Variants in FSIP2 observed in about 807,000 individuals in gnomAD.
FSIP2 encodes fibrous sheath interacting protein 2.
A neutral mutation model predicts 510.5 loss-of-function variants in FSIP2; 367 were observed. The observed-to-expected ratio is 0.72, with a 90% CI of 0.66 to 0.78. The LOEUF (loss-of-function observed/expected upper bound fraction) is 0.78, where lower values mean the gene tolerates loss of function less well. Among genes scored for constraint, FSIP2 ranks in the 30% least tolerant of loss-of-function variants. The pLI, the probability that FSIP2 is intolerant of heterozygous loss-of-function variation, is 0.00. For synonymous variants in FSIP2, 2,601 were observed against 2,732.2 expected (o/e 0.95, Z 1.50); for missense variants, 7,594 against 7,901.7 (o/e 0.96, Z 1.48).
intron 13 of FSIP2, among the ~76,000 whole-genome samples, chr2:185,776,466 T>A (rs192766242): frequency 7.2e-5 from 11 of 152,224 alleles, no homozygotes; most frequent in Non-Finnish European, 1.3e-4. Context: ...GTATATTTCT[T>A]CTATTTCTAA....
rs1475962259 is a variant in FSIP2 at position 185,800,651 on chromosome 2, AAACATC to A, written c.11347_11352del (p.Thr3783_Ser3784del). 5.9e-6 allele frequency: 9 copies of A among 1,534,208 alleles called. No individual in the cohort carries two copies. The highest frequency in any genetic ancestry group is 2.7e-5 in the African/African-American group (2 of 73,006). On this transcript the variant is annotated inframe_deletion, in exon 17 of 23. Coordinates refer to ENST00000424728, the MANE Select transcript of FSIP2 (RefSeq NM_173651.4). Reference sequence around the variant, plus strand: ...CCTGATAAAGGGTCTGTTTCAGAGGAAACATCAGCAGAAGAATGTCAACTTTTAAAA... The same window carrying A: ...CCTGATAAAGGGTCTGTTTCAGAGGAAGCAGAAGAATGTCAACTTTTAAAA...
rs1309152444 is a variant in FSIP2, at chr2:185,800,301, T to C, written c.10995T>C (p.Gly3665=). ...GGCAATTTTCTACTCAACAAATTGG[T>C]CAACTTTTTCAAAAAAATAAGTTAA... The part of the protein sequence containing the change: ...RDWQFSTQQI[G]QLFQKNKLSY... The change falls in exon 17 of 23, where the codon GGT becomes GGC. Residue 3665 remains glycine (G), a synonymous_variant. Transcript: ENST00000424728. The C allele has an allele frequency of 7.2e-6, 11 of 1,533,796 alleles. No homozygotes were observed. The highest frequency in any genetic ancestry group is 1.4e-5 in the African/African-American group (1 of 72,856).
At chr2:185,809,546 T>C (rs1302741569) in intron 17 of FSIP2, among the ~76,000 whole-genome samples, 1 of 152,060 alleles carries the variant, frequency 6.6e-6, no homozygotes, top group Non-Finnish European at 1.5e-5. Context: ...TATCAGGATA[T>C]GTGGAATAAT....
intron 15 of FSIP2, among the ~76,000 whole-genome samples, chr2:185,787,074 C>T (rs1222290323): frequency 1.3e-5 from 2 of 151,678 alleles, no homozygotes; most frequent in African/African-American, 4.8e-5. Flanking sequence ...TGTTTATCAT[C>T]TCCAGTAATA....
chr2:185,790,925 C>A lies in FSIP2; in HGVS notation c.3789C>A (p.Ile1263=). 2.0e-6 allele frequency: 3 copies of A among 1,524,990 alleles called. No individual in the cohort carries two copies. The highest frequency in any genetic ancestry group is 1.2e-5 in the South Asian group (1 of 81,612). The allele number at this position is 1,524,990 out of a possible 1,614,324, so 94.5% of individuals were successfully genotyped here. A position where few individuals can be genotyped will look rare whatever the true frequency, so the allele number is the denominator to read the frequency against. ...CTGTAGATGACATTAATGATAAGATCATTCGTACAATTTTTAAAAGACTGA... is the reference window on the plus strand; with the variant it reads ...CTGTAGATGACATTAATGATAAGATAATTCGTACAATTTTTAAAAGACTGA... ...PKPVDDINDK[I]IRTIFKRLKS... is the part of the protein sequence containing the mutation. Residue 1263 remains isoleucine (I), a synonymous_variant, in exon 16 of 23, where the codon ATC becomes ATA. Transcript: ENST00000424728.
chr2:185,763,229 A>T lies in FSIP2; in HGVS notation c.1287A>T (p.Val429=). 2.0e-6 allele frequency: 3 copies of T among 1,520,376 alleles called. No homozygotes were observed. Among genetic ancestry groups the T allele is most frequent in the Non-Finnish European group, 2.6e-6 (3 of 1,133,258 alleles). The allele number at this position is 1,520,376 out of a possible 1,614,324, so 94.2% of individuals were successfully genotyped here. ...AAGGTTCAATTATTTCAGCGCAGGTATCACCCACGAGAAATTTTTCCAGAG... is the reference window on the plus strand; with the variant it reads ...AAGGTTCAATTATTTCAGCGCAGGTTTCACCCACGAGAAATTTTTCCAGAG... ...SGQGSIISAQ[V]SPTRNFSRVS... is the part of the protein sequence containing the mutation. The change falls in exon 12 of 23, where the codon GTA becomes GTT. Residue 429 remains valine, a synonymous_variant. Coordinates refer to ENST00000424728, the MANE Select transcript of FSIP2 (RefSeq NM_173651.4).
In FSIP2 at chr2:185,775,873, A is replaced by C. The variant is rs371553295; in HGVS notation, c.1412-6832A>C. Among the ~76,000 whole-genome samples, 34 of 152,330 alleles carry C rather than the reference A, an allele frequency of 2.2e-4. No individual in the cohort carries two copies. The East Asian group carries it at 6.2e-3, about 28-fold the overall frequency. On this transcript the variant is annotated intron_variant, in intron 13 of 22. Transcript: ENST00000424728. ...GAGATGGAGTTTCTCCATGTTGGCC[A>C]GGCTGGTGTTGAATTCCTGACCTCA...
In FSIP2 at chr2:185,800,705, G is replaced by A. The variant is rs36004074; in HGVS notation, c.11399G>A (p.Gly3800Glu). The A allele has an allele frequency of 0.54, 831,389 of 1,533,022 alleles. 226,949 individuals carry two copies. The highest frequency in any genetic ancestry group is 0.64 in the South Asian group (53,618 of 83,854). 95.0% of individuals were successfully genotyped at this position (1,533,022 alleles called of 1,614,324 possible). A position where few individuals can be genotyped will look rare whatever the true frequency, so the allele number is the denominator to read the frequency against. The change falls in exon 17 of 23, where the codon GGA becomes GAA. Residue 3800 changes from glycine to glutamate, a missense_variant. Gly to Glu is a moderately conservative substitution (Grantham distance 98, BLOSUM62 -2). Transcript: ENST00000424728. ...AAAATGCTTCAAAGTGTAGAAGATG[G>A]AAAATCTGATTATCGTAAGGGAGGA... ...LLKMLQSVED[G>E]KSDYRKGGMD...
At chr2:185,744,116 C>A (rs762996708) in intron 3 of FSIP2, among the ~76,000 whole-genome samples, 1 of 151,980 alleles carries the variant, frequency 6.6e-6, no homozygotes, top group Non-Finnish European at 1.5e-5. Context: ...AAATTTATTG[C>A]TGATTAACAA....
chr2:185,790,970 A>G lies in FSIP2; in HGVS notation c.3834A>G (p.Lys1278=). ...GACTGAAGTCATTTATTTGTCCAAA[A>G]TTGCATATGGGCTTCAAATCTTCAT... ...FKRLKSFICP[K]LHMGFKSSLR... is the part of the protein sequence containing the mutation. Residue 1278 remains lysine, a synonymous_variant, in exon 16 of 23, where the codon AAA becomes AAG. Coordinates refer to ENST00000424728, the MANE Select transcript of FSIP2 (RefSeq NM_173651.4). The G allele has an allele frequency of 1.3e-6, 2 of 1,525,532 alleles. No homozygotes were observed. Among genetic ancestry groups the G allele is most frequent in the East Asian group, 4.9e-5 (2 of 40,782 alleles). The allele number at this position is 1,525,532 out of a possible 1,614,324, so 94.5% of individuals were successfully genotyped here.
upstream of FSIP2, chr2:185,738,709 C>G: frequency 6.5e-7 from 1 of 1,536,074 alleles, no homozygotes; most frequent in East Asian, 2.4e-5. Context: ...CGCGCTGGCG[C>G]GAGCCGCCCC....
Position 185,805,507 on chromosome 2 carries a change from G to A in FSIP2, c.16201G>A (p.Asp5401Asn), listed in dbSNP as rs1693544782. ...CAGGATTCAACCACTTTTTTCAGGA[G>A]ACTGGTCTTCCACCTTCTTTTCATT... is the stretch of plus-strand genomic sequence containing the variant. ...AFRIQPLFSG[D>N]WSSTFFSFLN... Residue 5401 changes from aspartate (D) to asparagine (N), a missense_variant, in exon 17 of 23, where the codon GAC (aspartate) becomes AAC (asparagine). Asp to Asn is a conservative substitution (Grantham distance 23). Coordinates refer to ENST00000424728, the MANE Select transcript of FSIP2 (RefSeq NM_173651.4). 6.2e-7 allele frequency: 1 copy of A among 1,611,384 alleles called. No individual in the cohort carries two copies. The highest frequency in any genetic ancestry group is 1.1e-5 in the South Asian group (1 of 91,006).
Position 185,794,376 on chromosome 2 carries a change from A to G in FSIP2, c.7240A>G (p.Lys2414Glu). The change falls in exon 16 of 23, where the codon AAA (lysine) becomes GAA (glutamate). Residue 2414 changes from lysine to glutamate, a missense_variant. Transcript: ENST00000424728. ...TGTAAAGGAAATTTGTTTTAATTCA[A>G]AAGAAAATTCTAACTTTTCACAATT... ...RSVKEICFNS[K>E]ENSNFSQLAL... The G allele has an allele frequency of 6.6e-7, 1 of 1,518,474 alleles. No individual in the cohort carries two copies. The highest frequency in any genetic ancestry group is 8.8e-7 in the Non-Finnish European group (1 of 1,139,832). The allele number at this position is 1,518,474 out of a possible 1,614,324, so 94.1% of individuals were successfully genotyped here. A position where few individuals can be genotyped will look rare whatever the true frequency, so the allele number is the denominator to read the frequency against.
chr2:185,771,211 G>A (rs889575348), intron 13 of FSIP2, among the ~76,000 whole-genome samples: 4 of 152,198 alleles, frequency 2.6e-5, no homozygotes, highest in Admixed American at 1.3e-4. Context: ...GGGATCTGGA[G>A]TGCATTGGTC....
chr2:185,789,774 G>A lies in FSIP2; in HGVS notation c.2638G>A (p.Ala880Thr), dbSNP rs980284322. 6.5e-7 allele frequency: 1 copy of A among 1,534,148 alleles called. No individual in the cohort carries two copies. Among genetic ancestry groups the A allele is most frequent in the Non-Finnish European group, 8.7e-7 (1 of 1,145,664 alleles). Reference sequence around the variant, plus strand: ...TAAATCTAGTCTTGAATCTGATGAAGCTAGTTTAATTGTCAATGAAGAAGT... The same window carrying A: ...TAAATCTAGTCTTGAATCTGATGAAACTAGTTTAATTGTCAATGAAGAAGT... ...KNKSSLESDE[A>T]SLIVNEEVQN... is the part of the protein sequence containing the mutation. Residue 880 changes from alanine to threonine, a missense_variant, in exon 16 of 23, where the codon GCT becomes ACT. Coordinates refer to ENST00000424728, the MANE Select transcript of FSIP2 (RefSeq NM_173651.4).
chr2:185,783,795 G>A (rs1287893062), intron 14 of FSIP2: 1 of 152,104 alleles, frequency 6.6e-6, no homozygotes, highest in Non-Finnish European at 1.5e-5. Context: ...AAGGTTAGAA[G>A]AGGCTCATAA....
chr2:185,793,649 C>G lies in FSIP2; in HGVS notation c.6513C>G (p.Ala2171=), dbSNP rs1363800161. The G allele has an allele frequency of 6.5e-7, 1 of 1,534,630 alleles. No individual in the cohort carries two copies. Among genetic ancestry groups the G allele is most frequent in the Admixed American group, 2.0e-5 (1 of 50,874 alleles). ...TTCTTCATAATCTCAGTTCTGCTGC[C>G]ACGCTTGTCATAAATGCAAAGAATC... ...NIVLHNLSSA[A]TLVINAKNPT... Residue 2171 remains alanine (A), a synonymous_variant, in exon 16 of 23, where the codon GCC becomes GCG. Coordinates refer to ENST00000424728, the MANE Select transcript of FSIP2 (RefSeq NM_173651.4).
chr2:185,737,394 A>G (rs1399319327), upstream of FSIP2, among the ~76,000 whole-genome samples: 4 of 152,228 alleles, frequency 2.6e-5, no homozygotes, highest in East Asian at 7.7e-4. Flanking sequence ...TCAAATTGAT[A>G]CAAGATGGAT....
Position 185,796,262 on chromosome 2 carries a change from ATTACAAC to A in FSIP2, c.9127_9133del (p.Leu3043HisfsTer2). 6.5e-7 allele frequency: 1 copy of A among 1,532,102 alleles called. No individual in the cohort carries two copies. The allele number at this position is 1,532,102 out of a possible 1,614,324, so 94.9% of individuals were successfully genotyped here. A position where few individuals can be genotyped will look rare whatever the true frequency, so the allele number is the denominator to read the frequency against. ...TGTTAAACAAAAAAATGTTGCCAAA[ATTACAAC>A]CACTGAAAATGTTTTCTGATAAATC... On this transcript the variant is annotated frameshift_variant, in exon 16 of 23. Coordinates refer to ENST00000424728, the MANE Select transcript of FSIP2 (RefSeq NM_173651.4). LOFTEE classifies it high-confidence loss of function.
Sources: allele counts gnomAD v4.1 joint callset (sites outside exome capture counted in the v4.1 genomes callset), GRCh38; gene constraint gnomAD v4.1.1; transcripts MANE v1.5; gene names NCBI Gene and HGNC (gene_info 2026-07-23, HGNC 2026-07-21).